PTPRG: variants seen among roughly 807,000 people sequenced by gnomAD.
The protein encoded by PTPRG is protein tyrosine phosphatase receptor type G.
A neutral mutation model predicts 165.3 loss-of-function variants in PTPRG; 102 were observed. The observed-to-expected ratio is 0.62, with a 90% CI of 0.53 to 0.73. The LOEUF (loss-of-function observed/expected upper bound fraction) is 0.73, where lower values mean the gene tolerates loss of function less well. Among genes scored for constraint, PTPRG ranks in the 30% least tolerant of loss-of-function variants. PTPRG has a pLI of 0.00. For missense variants in PTPRG, 1,866 were observed against 1,861.4 expected (o/e 1.00, Z -0.05); for synonymous variants, 675 against 669.5 (o/e 1.01, Z -0.13).
intron 20 of PTPRG, among the ~76,000 whole-genome samples, chr3:62,270,937 A>G (rs1219507025): frequency 6.6e-6 from 1 of 152,162 alleles, no homozygotes; most frequent in African/African-American, 2.4e-5. Flanking sequence ...CACTTCCTGG[A>G]TAGTTTACAG....
At chr3:62,174,380 G>A (rs984521441) in intron 8 of PTPRG, among the ~76,000 whole-genome samples, 9 of 152,170 alleles carry the variant, frequency 5.9e-5, no homozygotes, top group African/African-American at 1.2e-4. Flanking sequence ...AGAGGACACC[G>A]GGCTGCCTGC....
intron 3 of PTPRG, among the ~76,000 whole-genome samples, chr3:61,992,375 T>G (rs935504268): frequency 6.6e-6 from 1 of 152,226 alleles, no homozygotes; most frequent in Admixed American, 6.5e-5. Flanking sequence ...AGGTCTTTTT[T>G]TCTGAGACGG....
intron 1 of PTPRG, among the ~76,000 whole-genome samples, chr3:61,704,618 G>A (rs1361793175): frequency 7.1e-6 from 1 of 141,208 alleles, no homozygotes; most frequent in Non-Finnish European, 1.5e-5. Context: ...CTAGTCTTAT[G>A]TTAAATTCTC....
chr3:62,061,582 T>C (rs349151), intron 4 of PTPRG, among the ~76,000 whole-genome samples: 122,014 of 151,774 alleles, frequency 0.8, 49,673 homozygotes, highest in South Asian at 0.93. Flanking sequence ...CTTTGCTAAC[T>C]AGCAGCATCC....
intron 17 of PTPRG, among the ~76,000 whole-genome samples, chr3:62,266,513 T>C (rs1265241327): frequency 1.3e-5 from 2 of 152,080 alleles, no homozygotes; most frequent in East Asian, 1.9e-4. Flanking sequence ...GGCCTATTTA[T>C]ATCAAGCAAC....
At chr3:62,186,580 T>C (rs1459188139) in intron 8 of PTPRG, among the ~76,000 whole-genome samples, 2 of 147,670 alleles carry the variant, frequency 1.4e-5, no homozygotes, top group Non-Finnish European at 3.0e-5. Flanking sequence ...TTTTTTTTTT[T>C]TTTTGAGATA....
chr3:62,164,864 C>T (rs554389077), intron 7 of PTPRG, among the ~76,000 whole-genome samples: 3 of 152,154 alleles, frequency 2.0e-5, no homozygotes, highest in Non-Finnish European at 2.9e-5. Flanking sequence ...ACTGCAGAGT[C>T]GTATTGCTGA....
At chr3:61,600,192 A>ATGTGTGTGTGTGTGTGTGTGTGTGTGTG (rs1258297289) in intron 1 of PTPRG, among the ~76,000 whole-genome samples, 3 of 106,634 alleles carry the variant, frequency 2.8e-5, no homozygotes, top group Non-Finnish European at 5.8e-5. Flanking sequence ...ATATATATAT[A>ATGTGTGTGTGTGTGTGTGTGTGTGTGTG]TGTGTGTGTG....
intron 2 of PTPRG, among the ~76,000 whole-genome samples, chr3:61,758,054 TTC>T (rs1456036556): frequency 2.0e-5 from 3 of 152,204 alleles, no homozygotes; most frequent in Non-Finnish European, 4.4e-5. Flanking sequence ...GCCCACCCAC[TTC>T]TTTTTTCTTT....
intron 5 of PTPRG, among the ~76,000 whole-genome samples, chr3:62,089,286 T>G (rs1205626830): frequency 6.6e-6 from 1 of 152,242 alleles, no homozygotes; most frequent in African/African-American, 2.4e-5. Context: ...CATCCAACCA[T>G]TTTTACATGA....
At chr3:61,893,589 A>G (rs182868072) in intron 2 of PTPRG, among the ~76,000 whole-genome samples, 136 of 152,308 alleles carry the variant, frequency 8.9e-4, no homozygotes, top group Non-Finnish European at 1.6e-3. Flanking sequence ...GGACTGGGTG[A>G]TACTTTTTTT....
intron 1 of PTPRG, among the ~76,000 whole-genome samples, chr3:61,588,735 C>T (rs969965186): frequency 3.3e-5 from 5 of 152,162 alleles, no homozygotes; most frequent in East Asian, 3.9e-4. Flanking sequence ...AATGAGCCGC[C>T]GCGCCCGGCC....
chr3:62,239,693 C>A (rs371570467), intron 14 of PTPRG, among the ~76,000 whole-genome samples: 1 of 152,178 alleles, frequency 6.6e-6, no homozygotes. Flanking sequence ...CATTCCCCTG[C>A]GCTCAAAATT....
At chr3:62,080,212 G>T (rs1701521131) in intron 5 of PTPRG, among the ~76,000 whole-genome samples, 1 of 151,212 alleles carries the variant, frequency 6.6e-6, no homozygotes, top group African/African-American at 2.4e-5. Context: ...GGAATTACAG[G>T]CATGTGCTAC....
rs537796788 is a variant in PTPRG at position 61,756,141 on chromosome 3, A to G, written c.190+7159A>G. Among the ~76,000 whole-genome samples, 6 of 152,328 alleles carry G rather than the reference A, an allele frequency of 3.9e-5. No individual in the cohort carries two copies. The South Asian group carries it at 1.2e-3, about 32-fold the overall frequency. On this transcript the variant is annotated intron_variant, in intron 2 of 29. Coordinates refer to ENST00000474889, the MANE Select transcript of PTPRG (RefSeq NM_002841.4). ...GAGGAGTGGTGGGTTGGTTGAAAAG[A>G]TGAAGAATTTTGACTAGAACCTATT...
intron 2 of PTPRG, among the ~76,000 whole-genome samples, chr3:61,872,802 C>G (rs2037619887): frequency 6.6e-6 from 1 of 152,174 alleles, no homozygotes; most frequent in Admixed American, 6.5e-5. Context: ...TTGGATATGA[C>G]TCTTTTACAT....
intron 2 of PTPRG, among the ~76,000 whole-genome samples, chr3:61,793,537 T>A (rs529285746): frequency 5.9e-5 from 9 of 152,340 alleles, no homozygotes; most frequent in African/African-American, 2.2e-4. Context: ...CCTTAAACTT[T>A]TTAATTATTT....
intron 1 of PTPRG, among the ~76,000 whole-genome samples, chr3:61,662,847 G>T (rs1265455119): frequency 6.6e-6 from 1 of 152,218 alleles, no homozygotes; most frequent in African/African-American, 2.4e-5. Flanking sequence ...TATTGATGGT[G>T]ATGGTGCATA....
chr3:62,157,204 G>A lies in PTPRG; in HGVS notation c.820G>A (p.Val274Ile), dbSNP rs181919998. 361 of 1,613,662 alleles carry A rather than the reference G, an allele frequency of 2.2e-4. No homozygotes were observed. In the East Asian group the frequency reaches 3.8e-3, roughly 17 times the overall value. The change falls in exon 7 of 30, where the codon GTC becomes ATC. Residue 274 changes from valine (V) to isoleucine (I), a missense_variant. Val to Ile is a conservative substitution (Grantham distance 29). Around this residue, in one of 3 missense-constraint regions of PTPRG, gnomAD observed 408 missense variants for 376.2 expected, o/e 1.08. Coordinates refer to ENST00000474889, the MANE Select transcript of PTPRG (RefSeq NM_002841.4). The stretch of plus-strand genomic sequence containing the variant: ...GGAGTGGATAGTCTTCCGGAGACCC[G>A]TCCCCATCTCTTACCATCAGGTAGA... ...IVEWIVFRRP[V>I]PISYHQLEAF... is the part of the protein sequence containing the mutation.
Sources: allele counts gnomAD v4.1 joint callset (sites outside exome capture counted in the v4.1 genomes callset), GRCh38; gene constraint gnomAD v4.1.1; regional missense constraint gnomAD v4.1.1; transcripts MANE v1.5; gene names NCBI Gene and HGNC (gene_info 2026-07-23, HGNC 2026-07-21).